The following INPP4A variants were observed in gnomAD, a reference collection of about 807,000 sequenced individuals.
INPP4A encodes inositol polyphosphate-4-phosphatase type I A.
INPP4A carries 33 observed loss-of-function variants against 119.8 expected under a neutral mutation model. The observed-to-expected ratio is 0.28, with a 90% CI of 0.21 to 0.37. The LOEUF is 0.37. INPP4A is among the 10% of genes least tolerant of loss of function. The probability of loss-of-function intolerance (pLI) is 1.00; values close to 1 mark genes in which losing one functional copy is unlikely to be tolerated. For missense variants in INPP4A, 956 were observed against 1,289.9 expected (o/e 0.74, Z 3.97); for synonymous variants, 496 against 500.7 (o/e 0.99, Z 0.12).
At chr2:98,484,436 A>G (rs1351475430) in intron 1 of INPP4A, among the ~76,000 whole-genome samples, 1 of 152,074 alleles carries the variant, frequency 6.6e-6, no homozygotes. Flanking sequence ...TGATGAGCTC[A>G]AAGTCCAGAA....
Position 98,546,183 on chromosome 2 carries a change from G to A in INPP4A, c.1054+110G>A, listed in dbSNP as rs112500311. On this transcript the variant is annotated intron_variant, in intron 12 of 24. Coordinates refer to ENST00000409851, the MANE Select transcript of INPP4A (RefSeq NM_001134225.2). The surrounding 1 kb of genome is among the most constrained non-coding windows in gnomAD (Gnocchi z 4.2). Reference sequence around the variant, plus strand: ...GCCCATTTCCCTGTGTGCTCTGGGCGGCTCGGAGGAGAGATTTGTCACAAG... The same window carrying A: ...GCCCATTTCCCTGTGTGCTCTGGGCAGCTCGGAGGAGAGATTTGTCACAAG... 1.3e-3 allele frequency: 976 copies of A among 728,528 alleles called. 11 individuals are homozygous for A. The African/African-American group carries it at 0.015, about 11-fold the overall frequency. 45.1% of individuals were successfully genotyped at this position (728,528 alleles called of 1,614,324 possible).
At position 98,589,514 on chromosome 2, in the gene INPP4A, TC is replaced by T. The variant is rs1372341375; in HGVS notation, c.*1907del. On this transcript the variant is annotated 3_prime_UTR_variant, in exon 25 of 25. Coordinates refer to ENST00000409851, the MANE Select transcript of INPP4A (RefSeq NM_001134225.2). ...TCAAAGGGAATATAGCAAATGTTGA[TC>T]ATCTGTCAGCAGTTTTGCATGTGAC... is the stretch of plus-strand genomic sequence containing the variant. 1 of 180,998 alleles carries T rather than the reference TC, an allele frequency of 5.5e-6. No individual in the cohort carries two copies. Among genetic ancestry groups the T allele is most frequent in the Non-Finnish European group, 1.2e-5 (1 of 84,744 alleles). 11.2% of individuals were successfully genotyped at this position (180,998 alleles called of 1,614,324 possible). A position where few individuals can be genotyped will look rare whatever the true frequency, so the allele number is the denominator to read the frequency against.
rs371986765 is a variant in INPP4A, at chr2:98,546,544, G to T, written c.1055-42G>T. 3 of 1,450,630 alleles carry T rather than the reference G, an allele frequency of 2.1e-6. No homozygotes were observed. Among genetic ancestry groups the T allele is most frequent in the Non-Finnish European group, 2.9e-6 (3 of 1,034,016 alleles). 89.9% of individuals were successfully genotyped at this position (1,450,630 alleles called of 1,614,324 possible). A position where few individuals can be genotyped will look rare whatever the true frequency, so the allele number is the denominator to read the frequency against. ...ATCCCTATAGCTGGCTTGTCCACAG[G>T]CCTGAGCCCAGAGTAATGGAGGAGA... On this transcript the variant is annotated intron_variant, in intron 12 of 24. Transcript: ENST00000409851. The surrounding 1 kb of genome is among the most constrained non-coding windows in gnomAD (Gnocchi z 4.2).
At position 98,508,540 on chromosome 2, in the gene INPP4A, G is replaced by T. The variant is rs544382894; in HGVS notation, c.-165-10424G>T. On this transcript the variant is annotated intron_variant, in intron 1 of 24. Coordinates refer to ENST00000409851, the MANE Select transcript of INPP4A (RefSeq NM_001134225.2). ...CCGTGTCCTTATCTCTTCAGTTCCC[G>T]GCCCTCTTGGAGCAGCATGTCTCCT... 2.0e-5 allele frequency among the ~76,000 whole-genome samples: 3 copies of T among 152,138 alleles called. No homozygotes were observed. The East Asian group carries it at 5.8e-4, about 29-fold the overall frequency.
At chr2:98,553,482 A>G (rs2106204206) in intron 14 of INPP4A, among the ~76,000 whole-genome samples, 1 of 152,250 alleles carries the variant, frequency 6.6e-6, no homozygotes, top group Middle Eastern at 3.4e-3. Context: ...AGTGGCTATT[A>G]TCAGACCCTT....
At chr2:98,510,090 T>A (rs143327891) in intron 1 of INPP4A, among the ~76,000 whole-genome samples, 3 of 152,166 alleles carry the variant, frequency 2.0e-5, no homozygotes, top group African/African-American at 7.2e-5. Flanking sequence ...GTCATTGCAG[T>A]TGGACACAGA....
intron 24 of INPP4A, among the ~76,000 whole-genome samples, chr2:98,582,626 CCAGA>C (rs1375521621): frequency 6.8e-6 from 1 of 146,860 alleles, no homozygotes; most frequent in Admixed American, 6.7e-5. Context: ...ACTGCATACG[CCAGA>C]CACAGAAAGA....
chr2:98,537,020 C>T (rs1346402430), intron 7 of INPP4A, among the ~76,000 whole-genome samples: 1 of 152,136 alleles, frequency 6.6e-6, no homozygotes, highest in African/African-American at 2.4e-5. Flanking sequence ...TTAGTTACGT[C>T]ATGTGTCAGA....
intron 1 of INPP4A, among the ~76,000 whole-genome samples, chr2:98,514,793 C>G (rs916136589): frequency 6.6e-6 from 1 of 152,060 alleles, no homozygotes; most frequent in Non-Finnish European, 1.5e-5. Flanking sequence ...GTGGCACACA[C>G]GTGTGGTCCC....
At chr2:98,482,414 T>G (rs1364646797) in intron 1 of INPP4A, among the ~76,000 whole-genome samples, 1 of 152,246 alleles carries the variant, frequency 6.6e-6, no homozygotes, top group Non-Finnish European at 1.5e-5. Context: ...TGGTTGCACC[T>G]GGTTCAGAAT....
intron 4 of INPP4A, among the ~76,000 whole-genome samples, chr2:98,526,817 G>C (rs1345574569): frequency 1.3e-5 from 2 of 152,190 alleles, no homozygotes; most frequent in East Asian, 3.9e-4. Flanking sequence ...ATGGCAGAAG[G>C]AAAAGCGGGA....
chr2:98,462,830 A>G (rs572205128), intron 1 of INPP4A, among the ~76,000 whole-genome samples: 6 of 152,104 alleles, frequency 3.9e-5, no homozygotes, highest in African/African-American at 1.4e-4. Flanking sequence ...CAACACACAG[A>G]CATTTTATTT....
chr2:98,582,991 C>T (rs1441094840), intron 24 of INPP4A, among the ~76,000 whole-genome samples: 1 of 149,588 alleles, frequency 6.7e-6, no homozygotes, highest in Non-Finnish European at 1.5e-5. Context: ...ACACCAGACA[C>T]AGATCACCTA....
intron 13 of INPP4A, among the ~76,000 whole-genome samples, chr2:98,552,250 G>T (rs1244395253): frequency 2.0e-5 from 3 of 152,250 alleles, no homozygotes; most frequent in Non-Finnish European, 4.4e-5. Flanking sequence ...GCTGGGGTCA[G>T]ACATGAGAGG....
At chr2:98,563,748 A>T (rs989115650) in intron 18 of INPP4A, 111 bp downstream of exon 18, 11 of 1,054,186 alleles carry the variant, frequency 1.0e-5, no homozygotes, top group Non-Finnish European at 1.5e-5. Flanking sequence ...CCAGATGGCC[A>T]TATTTCCTCC....
intron 17 of INPP4A, among the ~76,000 whole-genome samples, chr2:98,561,613 C>T (rs1202332428): frequency 6.6e-6 from 1 of 152,122 alleles, no homozygotes; most frequent in East Asian, 1.9e-4. Context: ...CAATCGTTCT[C>T]ATAGGAATTT....
At chr2:98,548,657 C>T (rs1485641569) in intron 13 of INPP4A, among the ~76,000 whole-genome samples, 3 of 152,186 alleles carry the variant, frequency 2.0e-5, no homozygotes, top group African/African-American at 7.2e-5. Context: ...TTTAATTTCT[C>T]ACTAATGCCA....
At chr2:98,539,047 C>T (rs937081486) in intron 9 of INPP4A, 66 bp downstream of exon 9, 1 of 840,834 alleles carries the variant, frequency 1.2e-6, no homozygotes, top group Non-Finnish European at 1.9e-6. Flanking sequence ...CCGCAGTCCC[C>T]TTTGCTCCCC....
chr2:98,525,859 T>C (rs1233708081), intron 4 of INPP4A, among the ~76,000 whole-genome samples: 2 of 152,190 alleles, frequency 1.3e-5, no homozygotes, highest in Non-Finnish European at 2.9e-5. Flanking sequence ...TCTACCCAAC[T>C]GGAACTTTTG....
Sources: gnomAD v4.1 joint callset for allele counts (sites outside exome capture counted in the v4.1 genomes callset) on GRCh38, gnomAD v4.1.1 for gene constraint, Gnocchi (gnomAD v3.1) non-coding constraint, MANE v1.5 for transcripts, NCBI Gene and HGNC (gene_info 2026-07-23, HGNC 2026-07-21) for gene names.